The following TPRG1 variants were observed in gnomAD, a reference collection of about 807,000 sequenced individuals.
TPRG1 encodes tumor protein p63-regulated gene 1 protein.
Under a neutral mutation model 29.3 loss-of-function variants are expected in TPRG1, and 29 were observed. The observed-to-expected ratio is 0.99, with a 90% CI of 0.74 to 1.35. The LOEUF (loss-of-function observed/expected upper bound fraction) is 1.35, where lower values mean the gene tolerates loss of function less well. TPRG1 is among the 40% of genes most tolerant of loss of function. The probability of loss-of-function intolerance (pLI) is 0.00; values close to 1 mark genes in which losing one functional copy is unlikely to be tolerated. For synonymous variants in TPRG1, 130 were observed against 116.8 expected (o/e 1.11, Z -0.73); for missense variants, 327 against 335.0 (o/e 0.98, Z 0.19).
chr3:189,175,774 A>G (rs1353178456), intron 1 of TPRG1, among the ~76,000 whole-genome samples: 2 of 152,230 alleles, frequency 1.3e-5, no homozygotes, highest in Non-Finnish European at 2.9e-5. Context: ...GCAACCTATA[A>G]GACTCATTTA....
exon 3 of TPRG1, chr3:189,004,721 C>T (rs888037697): frequency 2.0e-5 from 3 of 152,108 alleles, no homozygotes; most frequent in African/African-American, 7.2e-5. Context: ...ATTACTTCCT[C>T]CCTCCGACTC....
At chr3:189,238,998 A>C in intron 4 of TPRG1, 89 bp downstream of exon 4, 1 of 1,195,266 alleles carries the variant, frequency 8.4e-7, no homozygotes. Flanking sequence ...GGCCCTGTAA[A>C]CTGGGAGAAC....
At chr3:189,218,138 A>C in intron 3 of TPRG1, 4 of 757,754 alleles carry the variant, frequency 5.3e-6, no homozygotes, top group Non-Finnish European at 6.4e-6. Context: ...TTTGAGACGG[A>C]GTCTCGCTCT....
chr3:189,222,096 T>C (rs989914003), intron 3 of TPRG1, among the ~76,000 whole-genome samples: 2 of 152,188 alleles, frequency 1.3e-5, no homozygotes, highest in African/African-American at 4.8e-5. Context: ...CAGGGGTTCA[T>C]TGGGCAGGTT....
At chr3:189,020,313 CTTG>C (rs1713225299) in intron 3 of TPRG1, among the ~76,000 whole-genome samples, 1 of 150,244 alleles carries the variant, frequency 6.7e-6, no homozygotes, top group Non-Finnish European at 1.5e-5. Flanking sequence ...AGTTCTTTTA[CTTG>C]TGATGTTAGG....
intron 4 of TPRG1, among the ~76,000 whole-genome samples, chr3:189,258,694 G>T (rs1194070762): frequency 6.6e-6 from 1 of 152,170 alleles, no homozygotes; most frequent in African/African-American, 2.4e-5. Flanking sequence ...TTTCGGAGAT[G>T]CCCTGCCCAG....
chr3:189,234,332 T>C (rs1387869503), intron 3 of TPRG1, among the ~76,000 whole-genome samples: 1 of 152,186 alleles, frequency 6.6e-6, no homozygotes, highest in Non-Finnish European at 1.5e-5. Context: ...TTAATGTGTT[T>C]ATGGTCAGAA....
intron 3 of TPRG1, among the ~76,000 whole-genome samples, chr3:189,226,225 T>C (rs1737700237): frequency 6.6e-6 from 1 of 152,216 alleles, no homozygotes; most frequent in East Asian, 1.9e-4. Context: ...CTACATTACA[T>C]ACGGATGCTG....
intron 4 of TPRG1, among the ~76,000 whole-genome samples, chr3:189,280,922 TCTC>T (rs986396180): frequency 6.6e-6 from 1 of 152,204 alleles, no homozygotes; most frequent in Non-Finnish European, 1.5e-5. Flanking sequence ...ACGTATCTAT[TCTC>T]CTTCGGGAGA....
chr3:189,164,265 C>T (rs1041271811), intron 5 of TPRG1, among the ~76,000 whole-genome samples: 16 of 152,052 alleles, frequency 1.1e-4, no homozygotes, highest in Non-Finnish European at 1.8e-4. Flanking sequence ...CAGGTTCAAG[C>T]GATTCTCCTG....
chr3:189,163,161 T>G (rs531130436), intron 5 of TPRG1, among the ~76,000 whole-genome samples: 1 of 152,196 alleles, frequency 6.6e-6, no homozygotes, highest in East Asian at 1.9e-4. Context: ...TAATCCCAGC[T>G]ACTTGGGAGG....
intron 4 of TPRG1, among the ~76,000 whole-genome samples, chr3:189,032,448 G>A (rs112144371): frequency 3.0e-4 from 46 of 152,160 alleles, no homozygotes; most frequent in African/African-American, 9.9e-4. Flanking sequence ...TGTTACAGGA[G>A]CAATAGAAAA....
intron 4 of TPRG1, among the ~76,000 whole-genome samples, chr3:189,280,774 A>G (rs1716995675): frequency 1.3e-5 from 2 of 152,196 alleles, no homozygotes; most frequent in Admixed American, 1.3e-4. Flanking sequence ...TTTGCTCTGT[A>G]ATATATGAAT....
At chr3:189,021,848 C>T (rs1713332629) in intron 3 of TPRG1, among the ~76,000 whole-genome samples, 1 of 152,170 alleles carries the variant, frequency 6.6e-6, no homozygotes. Context: ...GTTCCATTCT[C>T]CCCATCACTT....
intron 4 of TPRG1, among the ~76,000 whole-genome samples, chr3:189,056,956 C>A (rs535442703): frequency 2.0e-5 from 3 of 152,336 alleles, no homozygotes; most frequent in African/African-American, 7.2e-5. Context: ...ACATCCAGTG[C>A]TCTTCCAACT....
intron 3 of TPRG1, among the ~76,000 whole-genome samples, chr3:189,139,976 T>C (rs1724321867): frequency 1.3e-5 from 2 of 152,204 alleles, no homozygotes; most frequent in African/African-American, 4.8e-5. Flanking sequence ...GGCTCTTCTA[T>C]TGGATCTTGA....
chr3:189,214,962 A>ATTTTATATATATATATATATATTTTAT, intron 2 of TPRG1, among the ~76,000 whole-genome samples: 11 of 147,548 alleles, frequency 7.5e-5, no homozygotes, highest in Admixed American at 2.9e-4. Context: ...GGTTTAATTT[A>ATTTTATATATATATATATATATTTTAT]AAAATGTACA....
At chr3:189,083,967 T>C (rs1717768738) in intron 4 of TPRG1, among the ~76,000 whole-genome samples, 1 of 152,022 alleles carries the variant, frequency 6.6e-6, no homozygotes, top group African/African-American at 2.4e-5. Flanking sequence ...CACCAGAGAT[T>C]GGGAGTTTGA....
chr3:189,260,416 G>C (rs898920363), intron 4 of TPRG1, among the ~76,000 whole-genome samples: 1 of 152,032 alleles, frequency 6.6e-6, no homozygotes, highest in African/African-American at 2.4e-5. Flanking sequence ...ATTTTTCTTT[G>C]TATTGAATCC....
Sources: gnomAD v4.1 joint callset for allele counts (sites outside exome capture counted in the v4.1 genomes callset) on GRCh38, gnomAD v4.1.1 for gene constraint, MANE v1.5 for transcripts, NCBI Gene and HGNC (gene_info 2026-07-23, HGNC 2026-07-21) for gene names.